AAMDC: variants seen among roughly 807,000 people sequenced by gnomAD.
AAMDC encodes the protein adipogenesis associated Mth938 domain containing, also known as mth938 domain-containing protein.
A neutral mutation model predicts 15.5 loss-of-function variants in AAMDC; 16 were observed. The observed-to-expected ratio is 1.03, with a 90% CI of 0.70 to 1.57. The LOEUF is 1.57. Ranked by LOEUF, AAMDC falls within the 40% of genes most tolerant of loss-of-function variation. The pLI is 0.00. For missense variants in AAMDC, 141 were observed against 144.9 expected, an observed-to-expected ratio of 0.97 and a Z score of 0.14; for synonymous variants, 51 against 51.6, an observed-to-expected ratio of 0.99 and a Z score of 0.05.
At chr11:77,839,155 T>C (rs2136119588) in intron 1 of AAMDC, among the ~76,000 whole-genome samples, 1 of 152,336 alleles carries the variant, frequency 6.6e-6, no homozygotes, top group Non-Finnish European at 1.5e-5. Flanking sequence ...AATTAATTTT[T>C]GGAGACAGAG....
chr11:77,879,200 G>A, intron 5 of AAMDC: 2 of 1,532,370 alleles, frequency 1.3e-6, no homozygotes, highest in Non-Finnish European at 1.8e-6. Context: ...TGAAGTTAAA[G>A]AAATATCAAA....
chr11:77,903,603 C>T (rs139297026), downstream of AAMDC: 10 of 1,613,706 alleles, frequency 6.2e-6, no homozygotes, highest in Non-Finnish European at 8.5e-6. Flanking sequence ...CTACATTCCA[C>T]AACTTTTCCT....
chr11:77,876,866 G>A, downstream of AAMDC: 1 of 643,842 alleles, frequency 1.6e-6, no homozygotes, highest in Non-Finnish European at 2.8e-6. Flanking sequence ...AAAAATATCA[G>A]CATATTCTTC....
At chr11:77,827,905 C>T (rs1156893483) in intron 1 of AAMDC, among the ~76,000 whole-genome samples, 1 of 152,112 alleles carries the variant, frequency 6.6e-6, no homozygotes, top group Non-Finnish European at 1.5e-5. Context: ...AACAAATAGG[C>T]AAGCACATTT....
intron 5 of AAMDC, among the ~76,000 whole-genome samples, chr11:77,890,384 T>A (rs1176841640): frequency 6.6e-6 from 1 of 152,108 alleles, no homozygotes; most frequent in East Asian, 1.9e-4. Context: ...CTTATTGTAC[T>A]TCCTGCCAGT....
intron 1 of AAMDC, among the ~76,000 whole-genome samples, chr11:77,837,372 G>A (rs958276437): frequency 1.3e-5 from 2 of 150,246 alleles, no homozygotes; most frequent in Non-Finnish European, 3.0e-5. Context: ...TCCTGACCTC[G>A]TGATCCGCCT....
downstream of AAMDC, chr11:77,876,812 T>C: frequency 1.7e-6 from 1 of 591,800 alleles, no homozygotes; most frequent in Non-Finnish European, 3.0e-6. Flanking sequence ...ACATGGAAAA[T>C]GAGGGCTAAC....
At chr11:77,875,390 G>A (rs1327821156), downstream of AAMDC, among the ~76,000 whole-genome samples, 2 of 152,208 alleles carry the variant, frequency 1.3e-5, no homozygotes, top group African/African-American at 4.8e-5. Context: ...GTTTGTCTCA[G>A]TAATTTTAAT....
chr11:77,831,343 G>A (rs1435049737), intron 1 of AAMDC, among the ~76,000 whole-genome samples: 1 of 152,074 alleles, frequency 6.6e-6, no homozygotes, highest in Non-Finnish European at 1.5e-5. Flanking sequence ...TCCTTTCCTA[G>A]CTATACCCAA....
At chr11:77,833,307 G>A (rs534046973) in intron 1 of AAMDC, among the ~76,000 whole-genome samples, 3 of 152,000 alleles carry the variant, frequency 2.0e-5, no homozygotes, top group Non-Finnish European at 4.4e-5. Context: ...TGGGAGCCCT[G>A]AGCTTGTTTT....
At chr11:77,883,263 C>T (rs1951863651) in intron 5 of AAMDC, among the ~76,000 whole-genome samples, 1 of 152,066 alleles carries the variant, frequency 6.6e-6, no homozygotes, top group South Asian at 2.1e-4. Flanking sequence ...CAATTCTGCC[C>T]CCTATTCTAG....
At chr11:77,902,780 T>G (rs538534609), downstream of AAMDC, among the ~76,000 whole-genome samples, 147 of 152,202 alleles carry the variant, frequency 9.7e-4, no homozygotes, top group African/African-American at 3.4e-3. Flanking sequence ...AATACTCAGG[T>G]GCAAAGGGGA....
intron 5 of AAMDC, chr11:77,883,921 A>C: frequency 6.2e-7 from 1 of 1,613,304 alleles, no homozygotes; most frequent in East Asian, 2.2e-5. Flanking sequence ...CTTGGGGTGA[A>C]TCATCTGAGC....
chr11:77,858,637 A>G (rs1375230148), intron 2 of AAMDC, among the ~76,000 whole-genome samples: 1 of 151,968 alleles, frequency 6.6e-6, no homozygotes, highest in Non-Finnish European at 1.5e-5. Flanking sequence ...CCCCCTCTCA[A>G]CAGGAAAACC....
chr11:77,839,025 T>C (rs1044915913), intron 1 of AAMDC, among the ~76,000 whole-genome samples: 6 of 152,212 alleles, frequency 3.9e-5, no homozygotes, highest in Non-Finnish European at 8.8e-5. Context: ...ATTGTTACCA[T>C]ATTTTTGTTT....
chr11:77,842,695 C>CA, intron 2 of AAMDC, 67 bp downstream of exon 2: 1 of 1,579,466 alleles, frequency 6.3e-7, no homozygotes, highest in Non-Finnish European at 8.6e-7. Flanking sequence ...TCCTAAGCTG[C>CA]AATGACTAAG....
chr11:77,876,914 C>T (rs1340686483), downstream of AAMDC: 2 of 701,488 alleles, frequency 2.9e-6, no homozygotes, highest in South Asian at 3.0e-5. Flanking sequence ...ACGATGGGCT[C>T]AGGCAGCAGC....
intron 2 of AAMDC, among the ~76,000 whole-genome samples, chr11:77,861,543 A>C (rs12225270): frequency 6.6e-6 from 1 of 152,252 alleles, no homozygotes; most frequent in East Asian, 1.9e-4. Flanking sequence ...CTGCTGCTGG[A>C]TCATTTGGTT....
downstream of AAMDC, chr11:77,903,511 A>G (rs3819213): frequency 1.2e-6 from 2 of 1,610,198 alleles, no homozygotes; most frequent in African/African-American, 1.3e-5. Context: ...ACAGAGACCT[A>G]TTTGAAGGGA....
Sources: allele counts gnomAD v4.1 joint callset (sites outside exome capture counted in the v4.1 genomes callset), GRCh38; gene constraint gnomAD v4.1.1; transcripts MANE v1.5; gene names NCBI Gene and HGNC (gene_info 2026-07-23, HGNC 2026-07-21).